DNAJC5B: variants seen among roughly 807,000 people sequenced by gnomAD.
The protein encoded by DNAJC5B is DnaJ heat shock protein family (Hsp40) member C5 beta, also known as dnaJ homolog subfamily C member 5B.
In DNAJC5B, 23 loss-of-function variants were observed where a neutral mutation model predicts 24.7. That is an observed-to-expected ratio of 0.93 (90% CI 0.67 to 1.32). The LOEUF is 1.32. Among genes scored for constraint, DNAJC5B ranks in the 40% most tolerant of loss-of-function variants. The probability of loss-of-function intolerance (pLI) is 0.00; values close to 1 mark genes in which losing one functional copy is unlikely to be tolerated. For synonymous variants in DNAJC5B, 101 were observed against 90.1 expected (o/e 1.12, Z -0.68); for missense variants, 238 against 240.8 (o/e 0.99, Z 0.08).
At chr8:66,047,021 T>G (rs1385206888) in intron 2 of DNAJC5B, among the ~76,000 whole-genome samples, 1 of 152,224 alleles carries the variant, frequency 6.6e-6, no homozygotes, top group Admixed American at 6.5e-5. Context: ...AGATTCCAAT[T>G]TATTCATTTA....
intron 5 of DNAJC5B, among the ~76,000 whole-genome samples, chr8:66,088,331 C>A (rs1807774035): frequency 6.6e-6 from 1 of 152,192 alleles, no homozygotes; most frequent in Non-Finnish European, 1.5e-5. Flanking sequence ...CCCAAGAAAC[C>A]ATTTTTTTTT....
At chr8:66,014,994 C>A in the DNAJC5B span, among the ~76,000 whole-genome samples, 1 of 152,106 alleles carries the variant, frequency 6.6e-6, no homozygotes, top group South Asian at 2.1e-4. Context: ...AGGGAACATA[C>A]AGATAACGGC....
chr8:66,034,362 C>T (rs1052905387), intron 1 of DNAJC5B, among the ~76,000 whole-genome samples: 18 of 151,912 alleles, frequency 1.2e-4, no homozygotes, highest in African/African-American at 4.1e-4. Context: ...CCAGCATTCA[C>T]CCCACCAGCA....
At chr8:66,094,407 A>G (rs1471217177) in intron 5 of DNAJC5B, among the ~76,000 whole-genome samples, 1 of 152,036 alleles carries the variant, frequency 6.6e-6, no homozygotes, top group African/African-American at 2.4e-5. Flanking sequence ...TTTTCTTACT[A>G]CCAATCAATT....
intron 1 of DNAJC5B, among the ~76,000 whole-genome samples, chr8:66,035,163 C>CA (rs1363640314): frequency 1.3e-5 from 2 of 152,274 alleles, no homozygotes; most frequent in East Asian, 3.9e-4. Context: ...GCAAACATTA[C>CA]AAACCAGGGC....
intron 2 of DNAJC5B, among the ~76,000 whole-genome samples, chr8:66,051,263 A>G (rs1806838503): frequency 6.6e-6 from 1 of 152,204 alleles, no homozygotes; most frequent in African/African-American, 2.4e-5. Flanking sequence ...AACAATTCTG[A>G]ATTCACTGGG....
intron 1 of DNAJC5B, among the ~76,000 whole-genome samples, chr8:66,041,677 T>C (rs902631902): frequency 6.6e-6 from 1 of 152,238 alleles, no homozygotes; most frequent in African/African-American, 2.4e-5. Context: ...TTACAATACA[T>C]TTAGTGCATT....
chr8:66,081,267 C>T (rs1224173167), intron 5 of DNAJC5B, among the ~76,000 whole-genome samples: 1 of 152,160 alleles, frequency 6.6e-6, no homozygotes. Context: ...TTTACGTCCT[C>T]TGGGAAATGC....
At chr8:66,061,206 A>C (rs888536556) in intron 3 of DNAJC5B, among the ~76,000 whole-genome samples, 2 of 152,118 alleles carry the variant, frequency 1.3e-5, no homozygotes, top group Admixed American at 1.3e-4. Context: ...TCTTGAGCCC[A>C]GGAGTTTGAG....
At chr8:66,062,674 G>A (rs1056432162) in intron 3 of DNAJC5B, among the ~76,000 whole-genome samples, 13 of 152,168 alleles carry the variant, frequency 8.5e-5, no homozygotes, top group Non-Finnish European at 1.8e-4. Flanking sequence ...CACAAAATTG[G>A]AGTGAGGCTG....
At chr8:66,080,945 T>C (rs1367824235) in intron 5 of DNAJC5B, among the ~76,000 whole-genome samples, 4 of 152,122 alleles carry the variant, frequency 2.6e-5, no homozygotes, top group South Asian at 4.1e-4. Context: ...TCCTTTGAAA[T>C]AGAAGAAAGT....
intron 1 of DNAJC5B, among the ~76,000 whole-genome samples, chr8:66,022,987 C>T (rs1326933034): frequency 6.6e-6 from 1 of 152,220 alleles, no homozygotes; most frequent in Non-Finnish European, 1.5e-5. Flanking sequence ...AACTCATCTC[C>T]ATTTGCATTT....
chr8:66,096,909 C>T (rs924005564), intron 5 of DNAJC5B, among the ~76,000 whole-genome samples: 1 of 152,090 alleles, frequency 6.6e-6, no homozygotes, highest in African/African-American at 2.4e-5. Context: ...GAGAAATAGT[C>T]TTGAAGAGAA....
the DNAJC5B span, among the ~76,000 whole-genome samples, chr8:66,015,616 T>C: frequency 6.6e-6 from 1 of 151,956 alleles, no homozygotes; most frequent in African/African-American, 2.4e-5. Flanking sequence ...AAGGGAATAA[T>C]TGAAGGAGCA....
Position 66,085,683 on chromosome 8 carries a change from T to C in DNAJC5B, c.505+5135T>C, listed in dbSNP as rs1384881827. ...CTATCTCTTCATCAATTCCACACTG[T>C]CTTGCTCTCTTGTAGCTTTAAAGTA... On this transcript the variant is annotated intron_variant, in intron 5 of 5. Coordinates refer to ENST00000276570, the MANE Select transcript of DNAJC5B (RefSeq NM_033105.6). 9.9e-4 allele frequency among the ~76,000 whole-genome samples: 151 copies of C among 152,260 alleles called. 3 individuals carry two copies. The highest frequency in any genetic ancestry group is 7.4e-5 in the Non-Finnish European group (5 of 68,024).
intron 1 of DNAJC5B, among the ~76,000 whole-genome samples, chr8:66,039,828 A>G (rs1806569416): frequency 6.6e-6 from 1 of 152,232 alleles, no homozygotes; most frequent in Non-Finnish European, 1.5e-5. Context: ...CCACTGATGC[A>G]TTTTAAATTT....
In DNAJC5B at chr8:66,100,352, T is replaced by C. The variant is rs181423135; in HGVS notation, c.*321T>C. On this transcript the variant is annotated 3_prime_UTR_variant, in exon 6 of 6. Transcript: ENST00000276570. ...ATGTGTGGCAGATCTGATTCCTAAC[T>C]GACCAAAGTAATATTCCAGAACAAA... The C allele has an allele frequency of 6.8e-4, 132 of 193,224 alleles. 1 individual carries two copies. The highest frequency in any genetic ancestry group is 3.3e-3 in the Admixed American group (58 of 17,394). 12.0% of individuals were successfully genotyped at this position (193,224 alleles called of 1,614,324 possible).
In DNAJC5B at chr8:66,100,103, G is replaced by C. The variant is rs148025551; in HGVS notation, c.*72G>C. On this transcript the variant is annotated 3_prime_UTR_variant, in exon 6 of 6. Coordinates refer to ENST00000276570, the MANE Select transcript of DNAJC5B (RefSeq NM_033105.6). ...TGTCTCCAGATGGTCGTAGGGGAGC[G>C]TGTGGGGCATAAAGTGCTGTGAACT... 4.5e-6 allele frequency: 6 copies of C among 1,321,168 alleles called. No individual in the cohort carries two copies. Among genetic ancestry groups the C allele is most frequent in the Non-Finnish European group, 6.3e-6 (6 of 951,252 alleles). 81.8% of individuals were successfully genotyped at this position (1,321,168 alleles called of 1,614,324 possible).
intron 3 of DNAJC5B, among the ~76,000 whole-genome samples, chr8:66,061,811 A>T (rs111933900): frequency 0.016 from 2,377 of 152,142 alleles, 53 homozygotes; most frequent in African/African-American, 0.054. Flanking sequence ...AAAATGTTGA[A>T]GGGACACAGT....
Sources: allele counts gnomAD v4.1 joint callset (sites outside exome capture counted in the v4.1 genomes callset), GRCh38; gene constraint gnomAD v4.1.1; transcripts MANE v1.5; gene names NCBI Gene and HGNC (gene_info 2026-07-23, HGNC 2026-07-21).